CAMTA1: variants seen among roughly 807,000 people sequenced by gnomAD.
CAMTA1 encodes the protein calmodulin-binding transcription activator 1.
Under a neutral mutation model 170.9 loss-of-function variants are expected in CAMTA1, and 27 were observed. The observed-to-expected ratio is 0.16, with a 90% CI of 0.12 to 0.22. CAMTA1 has a LOEUF of 0.22. Among genes scored for constraint, CAMTA1 ranks in the 10% least tolerant of loss-of-function variants. The probability of loss-of-function intolerance (pLI) is 1.00; values close to 1 mark genes in which losing one functional copy is unlikely to be tolerated. For missense variants in CAMTA1, 1,619 were observed against 2,217.2 expected, an observed-to-expected ratio of 0.73 and a Z score of 5.42; for synonymous variants, 833 against 891.5, an observed-to-expected ratio of 0.93 and a Z score of 1.17.
chr1:6,888,297 G>A, intron 3 of CAMTA1: 1 of 970,468 alleles, frequency 1.0e-6, no homozygotes, highest in Non-Finnish European at 1.2e-6. Context: ...TGAAAGTTTG[G>A]AAAGAAGCAT....
rs79314400 is a variant in CAMTA1 at position 7,642,393 on chromosome 1, C to T, written c.664+1840C>T. 1.5e-3 allele frequency among the ~76,000 whole-genome samples: 222 copies of T among 152,298 alleles called. No individual in the cohort carries two copies. Among genetic ancestry groups the T allele is most frequent in the Middle Eastern group, 3.4e-3 (1 of 294 alleles). Reference sequence around the variant, plus strand: ...GGACAGAAGCTGCAGTGTCCTGGCTCTGGGAGCCGGGGCTGCTGAGTGGCA... The same window carrying T: ...GGACAGAAGCTGCAGTGTCCTGGCTTTGGGAGCCGGGGCTGCTGAGTGGCA... On this transcript the variant is annotated intron_variant, in intron 7 of 22. Coordinates refer to ENST00000303635, the MANE Select transcript of CAMTA1 (RefSeq NM_015215.4). This position sits in a 1 kb window ranked among gnomAD's most constrained non-coding sequence, Gnocchi z 6.3.
chr1:7,745,571 CT>C (rs2096851544), intron 17 of CAMTA1, among the ~76,000 whole-genome samples: 1 of 152,114 alleles, frequency 6.6e-6, no homozygotes, highest in African/African-American at 2.4e-5. Flanking sequence ...ATGTTTCCCC[CT>C]AATTCAGCTG....
intron 3 of CAMTA1, among the ~76,000 whole-genome samples, chr1:6,831,098 G>C (rs1649928016): frequency 6.6e-6 from 1 of 152,154 alleles, no homozygotes; most frequent in African/African-American, 2.4e-5. Context: ...GATTACGGAC[G>C]TGAGCCATCG....
At chr1:7,036,768 A>G (rs1022668926) in intron 3 of CAMTA1, among the ~76,000 whole-genome samples, 2 of 152,228 alleles carry the variant, frequency 1.3e-5, no homozygotes, top group African/African-American at 4.8e-5. Flanking sequence ...GGCTCTATCA[A>G]TTACAGTATT....
chr1:7,076,473 T>C (rs7537360), intron 3 of CAMTA1, among the ~76,000 whole-genome samples: 129,723 of 152,130 alleles, frequency 0.85, 55,419 homozygotes, highest in South Asian at 0.89. Flanking sequence ...TTGATAACAT[T>C]AACGAGCAAG....
chr1:6,999,245 T>A lies in CAMTA1; in HGVS notation c.235-92059T>A, dbSNP rs138266249. Among the ~76,000 whole-genome samples, 966 of 152,348 alleles carry A rather than the reference T, an allele frequency of 6.3e-3. 7 individuals carry two copies. The highest frequency in any genetic ancestry group is 0.022 in the African/African-American group (900 of 41,562). On this transcript the variant is annotated intron_variant, in intron 3 of 22. Transcript: ENST00000303635. ...ATAAACATAGGGTTTGTCTTTGTGT[T>A]ACGTTGTTCTTGCACTGAGATAAAG...
At chr1:7,535,690 T>C (rs2094541177) in intron 6 of CAMTA1, among the ~76,000 whole-genome samples, 1 of 152,112 alleles carries the variant, frequency 6.6e-6, no homozygotes, top group Non-Finnish European at 1.5e-5. Context: ...CTCCTGAACC[T>C]CACCTGGCAG....
Position 7,455,698 on chromosome 1 carries a change from G to A in CAMTA1, c.439-12132G>A, listed in dbSNP as rs1429143349. Among the ~76,000 whole-genome samples the A allele has an allele frequency of 1.3e-5, 2 of 152,250 alleles. No homozygotes were observed. The highest frequency in any genetic ancestry group is 2.4e-5 in the African/African-American group (1 of 41,466). On this transcript the variant is annotated intron_variant, in intron 5 of 22. Transcript: ENST00000303635. The surrounding 1 kb of genome is among the most constrained non-coding windows in gnomAD (Gnocchi z 5.0). Reference sequence around the variant, plus strand: ...AGCGGGCGGCGCTGGGGAGCTGGATGCCAGCAGGCTCTGGAGCTGAGTAGT... The same window carrying A: ...AGCGGGCGGCGCTGGGGAGCTGGATACCAGCAGGCTCTGGAGCTGAGTAGT...
chr1:7,602,763 G>T (rs1233806417), intron 6 of CAMTA1, among the ~76,000 whole-genome samples: 1 of 152,110 alleles, frequency 6.6e-6, no homozygotes, highest in South Asian at 2.1e-4. Context: ...GTCAATTTTA[G>T]ATCTTTCCTG....
chr1:6,905,835 A>T (rs954844275), intron 3 of CAMTA1, among the ~76,000 whole-genome samples: 3 of 152,216 alleles, frequency 2.0e-5, no homozygotes, highest in African/African-American at 7.2e-5. Flanking sequence ...TCATATACAG[A>T]GTGTGCTCGG....
intron 6 of CAMTA1, among the ~76,000 whole-genome samples, chr1:7,521,869 C>G (rs1013986639): frequency 6.6e-6 from 1 of 152,202 alleles, no homozygotes; most frequent in South Asian, 2.1e-4. Context: ...CTTTTTATTT[C>G]TGAGGAGTTA....
intron 3 of CAMTA1, among the ~76,000 whole-genome samples, chr1:6,846,090 A>G (rs568596304): frequency 1.4e-4 from 22 of 152,334 alleles, no homozygotes; most frequent in South Asian, 2.1e-4. Context: ...CCATGATTCA[A>G]TTATCTCCAC....
intron 22 of CAMTA1, among the ~76,000 whole-genome samples, 167 bp downstream of exon 22, chr1:7,755,835 T>C (rs1197442581): frequency 1.3e-5 from 2 of 152,174 alleles, no homozygotes; most frequent in Non-Finnish European, 2.9e-5. Flanking sequence ...ACACTGCTAT[T>C]TTATATGACA....
At chr1:6,988,710 G>A (rs1695798294) in intron 3 of CAMTA1, among the ~76,000 whole-genome samples, 1 of 152,094 alleles carries the variant, frequency 6.6e-6, no homozygotes, top group African/African-American at 2.4e-5. Flanking sequence ...CCAACGGGTT[G>A]GGCCGCATGT....
At chr1:6,790,113 G>A (rs1396590890) in intron 1 of CAMTA1, among the ~76,000 whole-genome samples, 1 of 152,106 alleles carries the variant, frequency 6.6e-6, no homozygotes, top group Non-Finnish European at 1.5e-5. Context: ...ACAGGCGCAA[G>A]CTGCCACGCC....
At chr1:7,256,416 C>T (rs960595794) in intron 5 of CAMTA1, among the ~76,000 whole-genome samples, 8 of 152,090 alleles carry the variant, frequency 5.3e-5, no homozygotes, top group Non-Finnish European at 7.4e-5. Flanking sequence ...AAACATTAGC[C>T]GGGCATGGTG....
rs896949048 is a variant in CAMTA1, at chr1:7,224,297, G to A, written c.303-25194G>A. On this transcript the variant is annotated intron_variant, in intron 4 of 22. Transcript: ENST00000303635. The surrounding 1 kb of genome is among the most constrained non-coding windows in gnomAD (Gnocchi z 5.2). The stretch of plus-strand genomic sequence containing the variant: ...CAAGGTCAGGCTGTGCCCAGTGGCC[G>A]AGGCGCTTGGTGAGCTTTCCACTGG... Among the ~76,000 whole-genome samples the A allele has an allele frequency of 1.2e-4, 18 of 152,110 alleles. No individual in the cohort carries two copies. Among genetic ancestry groups the A allele is most frequent in the African/African-American group, 4.1e-4 (17 of 41,414 alleles).
chr1:7,085,542 G>A (rs1389121149), intron 3 of CAMTA1, among the ~76,000 whole-genome samples: 1 of 152,272 alleles, frequency 6.6e-6, no homozygotes, highest in African/African-American at 2.4e-5. Flanking sequence ...GAGCAGTGCA[G>A]CCATTGCTGA....
At chr1:7,134,082 A>C (rs149687621) in intron 4 of CAMTA1, among the ~76,000 whole-genome samples, 2 of 152,062 alleles carry the variant, frequency 1.3e-5, no homozygotes, top group African/African-American at 4.8e-5. Flanking sequence ...TGCAGCGTCA[A>C]CTGTTCCCAT....
Sources: gnomAD v4.1 joint callset for allele counts (sites outside exome capture counted in the v4.1 genomes callset) on GRCh38, gnomAD v4.1.1 for gene constraint, Gnocchi (gnomAD v3.1) non-coding constraint, MANE v1.5 for transcripts, NCBI Gene and HGNC (gene_info 2026-07-23, HGNC 2026-07-21) for gene names.